PTPRT: variants seen among roughly 807,000 people sequenced by gnomAD.
The protein encoded by PTPRT is protein tyrosine phosphatase receptor type T.
In PTPRT, 56 loss-of-function variants were observed where a neutral mutation model predicts 176.8. The observed-to-expected ratio is 0.32, with a 90% CI of 0.26 to 0.40. The LOEUF (loss-of-function observed/expected upper bound fraction) is 0.40, where lower values mean the gene tolerates loss of function less well. PTPRT is among the 10% of genes least tolerant of loss of function. PTPRT has a pLI of 1.00. For missense variants in PTPRT, 1,540 were observed against 1,908.2 expected (o/e 0.81, Z 3.60); for synonymous variants, 783 against 739.0 (o/e 1.06, Z -0.96).
chr20:42,881,500 G>A (rs2079009196), intron 2 of PTPRT, among the ~76,000 whole-genome samples: 1 of 152,088 alleles, frequency 6.6e-6, no homozygotes, highest in African/African-American at 2.4e-5. Flanking sequence ...CGAGGCGGAA[G>A]GATCAACTGA....
chr20:42,279,000 C>T (rs1198253536), intron 13 of PTPRT, among the ~76,000 whole-genome samples: 1 of 152,128 alleles, frequency 6.6e-6, no homozygotes, highest in Non-Finnish European at 1.5e-5. Flanking sequence ...CTAACATTTC[C>T]TATTTTAATG....
At chr20:42,974,376 G>A (rs1442267057) in intron 1 of PTPRT, among the ~76,000 whole-genome samples, 1 of 152,124 alleles carries the variant, frequency 6.6e-6, no homozygotes, top group Non-Finnish European at 1.5e-5. Context: ...GCTTCAGCAA[G>A]TTAAGCAGGA....
At chr20:42,457,434 G>A (rs1471807412) in intron 8 of PTPRT, among the ~76,000 whole-genome samples, 2 of 152,044 alleles carry the variant, frequency 1.3e-5, no homozygotes, top group Admixed American at 6.5e-5. Flanking sequence ...TCAATTGTTA[G>A]GGGGTATTTA....
intron 7 of PTPRT, among the ~76,000 whole-genome samples, chr20:42,540,390 G>A (rs770007595): frequency 1.3e-5 from 2 of 151,710 alleles, no homozygotes; most frequent in Non-Finnish European, 1.5e-5. Flanking sequence ...AGACAAGGCA[G>A]GAAAAAAAGA....
At chr20:42,333,981 T>G (rs1419986994) in intron 11 of PTPRT, among the ~76,000 whole-genome samples, 1 of 152,188 alleles carries the variant, frequency 6.6e-6, no homozygotes, top group Non-Finnish European at 1.5e-5. Context: ...ATGCCCGGCT[T>G]GAATTTGGCT....
chr20:42,888,214 T>C (rs1366969532), intron 1 of PTPRT, among the ~76,000 whole-genome samples: 1 of 152,156 alleles, frequency 6.6e-6, no homozygotes, highest in Non-Finnish European at 1.5e-5. Flanking sequence ...AATATCAGCA[T>C]TCAACTTTTC....
intron 9 of PTPRT, among the ~76,000 whole-genome samples, chr20:42,429,162 G>C (rs1457542066): frequency 6.6e-6 from 1 of 152,072 alleles, no homozygotes; most frequent in Non-Finnish European, 1.5e-5. Context: ...GTATTAAATG[G>C]GGATAGTGAT....
intron 7 of PTPRT, among the ~76,000 whole-genome samples, chr20:42,517,742 A>G (rs6093669): frequency 0.12 from 18,199 of 151,846 alleles, 1,174 homozygotes; most frequent in East Asian, 0.21. Flanking sequence ...TTCTCCTTTG[A>G]CTCCAGAGTA....
chr20:42,495,646 A>G (rs1402935986), intron 7 of PTPRT, among the ~76,000 whole-genome samples: 1 of 152,192 alleles, frequency 6.6e-6, no homozygotes, highest in Non-Finnish European at 1.5e-5. Flanking sequence ...AGGAAGAGGT[A>G]GCTCAATTCT....
rs1600547435 is a variant in PTPRT, at chr20:42,120,030, A to G, written c.2848-59T>C. On this transcript the variant is annotated intron_variant, in intron 19 of 30. Coordinates refer to ENST00000373187, the MANE Select transcript of PTPRT (RefSeq NM_007050.6). Reference sequence around the variant, plus strand: ...TGTTGTCAAAGCTTGCAAACAGCACAATATTAATAAACATCCTCTCCAAGT... The same window carrying G: ...TGTTGTCAAAGCTTGCAAACAGCACGATATTAATAAACATCCTCTCCAAGT... 3 of 1,444,170 alleles carry G rather than the reference A, an allele frequency of 2.1e-6. No homozygotes were observed. The East Asian group carries it at 7.2e-5, about 35-fold the overall frequency. 89.5% of individuals were successfully genotyped at this position (1,444,170 alleles called of 1,614,324 possible).
chr20:42,734,882 C>G (rs1228341933), intron 6 of PTPRT, among the ~76,000 whole-genome samples: 1 of 152,116 alleles, frequency 6.6e-6, no homozygotes, highest in East Asian at 1.9e-4. Context: ...ACTGGCACAC[C>G]ATCCCTTCTG....
chr20:42,103,802 A>G (rs1986169696), intron 25 of PTPRT, among the ~76,000 whole-genome samples: 2 of 152,232 alleles, frequency 1.3e-5, no homozygotes, highest in South Asian at 4.1e-4. Context: ...TCCATTCACA[A>G]CTTGGACTAG....
chr20:42,906,648 C>A (rs889475646), intron 1 of PTPRT, among the ~76,000 whole-genome samples: 3 of 152,134 alleles, frequency 2.0e-5, no homozygotes, highest in African/African-American at 7.2e-5. Context: ...GAGACCAGAG[C>A]CCTACAGCCT....
At chr20:42,390,425 T>C (rs1261998288) in intron 9 of PTPRT, among the ~76,000 whole-genome samples, 2 of 152,164 alleles carry the variant, frequency 1.3e-5, no homozygotes, top group East Asian at 3.8e-4. Flanking sequence ...CCAAAGTAAA[T>C]GCCAGCTTCC....
At chr20:42,461,493 T>C (rs931839892) in intron 8 of PTPRT, among the ~76,000 whole-genome samples, 3 of 152,006 alleles carry the variant, frequency 2.0e-5, no homozygotes, top group Admixed American at 1.3e-4. Context: ...GCTGATCATA[T>C]CACTGCCCTC....
At chr20:42,518,164 C>G (rs996162355) in intron 7 of PTPRT, among the ~76,000 whole-genome samples, 1 of 151,880 alleles carries the variant, frequency 6.6e-6, no homozygotes, top group East Asian at 1.9e-4. Context: ...TGACTTTTGT[C>G]GGTATATTAA....
chr20:43,141,577 G>A (rs1299256425), intron 1 of PTPRT, among the ~76,000 whole-genome samples: 4 of 152,170 alleles, frequency 2.6e-5, no homozygotes, highest in Non-Finnish European at 5.9e-5. Context: ...AACGAGCCAC[G>A]TGTCCAAGCC....
At chr20:43,091,808 C>A (rs986418951) in intron 1 of PTPRT, among the ~76,000 whole-genome samples, 2 of 152,072 alleles carry the variant, frequency 1.3e-5, no homozygotes, top group East Asian at 1.9e-4. Flanking sequence ...CACTTCACAG[C>A]GTGCAATTGA....
At chr20:43,177,382 C>G (rs1440604526) in intron 1 of PTPRT, among the ~76,000 whole-genome samples, 1 of 152,102 alleles carries the variant, frequency 6.6e-6, no homozygotes, top group African/African-American at 2.4e-5. Flanking sequence ...CTAAGGATCT[C>G]CAGAAAAGAT....
Sources: gnomAD v4.1 joint callset for allele counts (sites outside exome capture counted in the v4.1 genomes callset) on GRCh38, gnomAD v4.1.1 for gene constraint, MANE v1.5 for transcripts, NCBI Gene and HGNC (gene_info 2026-07-23, HGNC 2026-07-21) for gene names.